Variants in CACNA1D observed in about 807,000 individuals in gnomAD.
CACNA1D encodes calcium voltage-gated channel subunit alpha1 D.
A neutral mutation model predicts 257.1 loss-of-function variants in CACNA1D; 55 were observed. That is an observed-to-expected ratio of 0.21 (90% CI 0.17 to 0.27). The LOEUF is 0.27. Ranked by LOEUF, CACNA1D falls within the 10% of genes least tolerant of loss-of-function variation. The pLI is 1.00. For synonymous variants in CACNA1D, 980 were observed against 1,014.9 expected (o/e 0.97, Z 0.65); for missense variants, 1,876 against 2,784.0 (o/e 0.67, Z 7.34).
intron 3 of CACNA1D, among the ~76,000 whole-genome samples, chr3:53,575,198 G>A (rs1575935876): frequency 1.3e-5 from 2 of 152,152 alleles, no homozygotes; most frequent in African/African-American, 2.4e-5. Flanking sequence ...TGTTGCGAGC[G>A]TGATACCCGA....
chr3:53,573,691 A>G (rs143856724), intron 3 of CACNA1D, among the ~76,000 whole-genome samples: 8 of 152,092 alleles, frequency 5.3e-5, no homozygotes, highest in Non-Finnish European at 7.4e-5. Flanking sequence ...CTGTTCTTTC[A>G]CTGTTGTATG....
intron 3 of CACNA1D, among the ~76,000 whole-genome samples, chr3:53,600,655 A>G (rs1021289853): frequency 6.6e-5 from 10 of 152,150 alleles, no homozygotes; most frequent in African/African-American, 2.4e-4. Context: ...ATAACTTTCT[A>G]TGCTGTGGTA....
chr3:53,732,343 C>A (rs531517294), intron 18 of CACNA1D, among the ~76,000 whole-genome samples: 5 of 152,160 alleles, frequency 3.3e-5, no homozygotes, highest in Admixed American at 1.3e-4. Flanking sequence ...TCCAGGAGGC[C>A]CCCCGGTGTT....
chr3:53,588,567 G>T (rs1252185766), intron 3 of CACNA1D, among the ~76,000 whole-genome samples: 2 of 152,126 alleles, frequency 1.3e-5, no homozygotes, highest in Non-Finnish European at 2.9e-5. Context: ...ACAGATCTGT[G>T]CCCCTTGTGT....
At chr3:53,783,616 C>T (rs759156654) in intron 39 of CACNA1D, among the ~76,000 whole-genome samples, 16 of 152,196 alleles carry the variant, frequency 1.1e-4, no homozygotes, top group Admixed American at 3.3e-4. Context: ...AGGGCTTATC[C>T]GGGCTGAATC....
rs1362532134 is a variant in CACNA1D at position 53,632,648 on chromosome 3, A to G, written c.484-18131A>G. On this transcript the variant is annotated intron_variant, in intron 3 of 47. Transcript: ENST00000350061. ...TAGCTTGTGATTTAAAGTGAGACAT[A>G]TGAGTCTTCCTTTCACTTGAATACT... Among the ~76,000 whole-genome samples the G allele has an allele frequency of 4.6e-5, 7 of 152,362 alleles. No individual in the cohort carries two copies. In the South Asian group the frequency reaches 1.2e-3, roughly 27 times the overall value.
In CACNA1D at chr3:53,650,978, G is replaced by C. The variant is rs754654629; in HGVS notation, c.623+60G>C. ...GGAAAATGGGAGGTGGAGGTTGGGG[G>C]GGGTGGTGGTAACAAAACAGTCTTT... On this transcript the variant is annotated intron_variant, in intron 4 of 47. Transcript: ENST00000350061. The C allele has an allele frequency of 8.3e-6, 12 of 1,442,334 alleles. No homozygotes were observed. In the African/African-American group the frequency reaches 9.8e-5, roughly 12 times the overall value. 89.3% of individuals were successfully genotyped at this position (1,442,334 alleles called of 1,614,324 possible). A position where few individuals can be genotyped will look rare whatever the true frequency, so the allele number is the denominator to read the frequency against.
intron 3 of CACNA1D, among the ~76,000 whole-genome samples, chr3:53,589,392 C>T (rs2093269387): frequency 6.6e-6 from 1 of 152,082 alleles, no homozygotes; most frequent in Non-Finnish European, 1.5e-5. Context: ...GAGTGTGTGG[C>T]TGTCCCTGCA....
intron 30 of CACNA1D, 129 bp downstream of exon 30, chr3:53,762,210 A>G: frequency 1.4e-6 from 1 of 734,876 alleles, no homozygotes; most frequent in Admixed American, 2.0e-5. Flanking sequence ...TGAAACTAGG[A>G]TTTCCTAATG....
At chr3:53,767,214 A>G (rs1023164961) in intron 30 of CACNA1D, among the ~76,000 whole-genome samples, 7 of 152,172 alleles carry the variant, frequency 4.6e-5, no homozygotes, top group African/African-American at 1.7e-4. Flanking sequence ...ACCCTGGCCC[A>G]GGACTGGAGT....
At chr3:53,666,198 T>C (rs950361232) in intron 6 of CACNA1D, 141 bp from the exon 7 acceptor site, 1 of 817,098 alleles carries the variant, frequency 1.2e-6, no homozygotes, top group Non-Finnish European at 2.2e-6. Flanking sequence ...AAGGGAACCT[T>C]GAAGGACAAG....
At chr3:53,560,886 T>A (rs1275964609) in intron 3 of CACNA1D, among the ~76,000 whole-genome samples, 1 of 152,176 alleles carries the variant, frequency 6.6e-6, no homozygotes, top group Non-Finnish European at 1.5e-5. Flanking sequence ...TGATTGAAAT[T>A]TTCTGTCTGT....
At chr3:53,656,682 C>A (rs1229820206) in intron 4 of CACNA1D, among the ~76,000 whole-genome samples, 2 of 152,066 alleles carry the variant, frequency 1.3e-5, no homozygotes. Flanking sequence ...CACTTGTATT[C>A]AGAATATATA....
In CACNA1D at chr3:53,800,126, TG is replaced by T; in HGVS notation, c.4924-121del. The T allele has an allele frequency of 1.3e-6, 1 of 787,432 alleles. No individual in the cohort carries two copies. Among genetic ancestry groups the T allele is most frequent in the Non-Finnish European group, 2.3e-6 (1 of 431,442 alleles). 48.8% of individuals were successfully genotyped at this position (787,432 alleles called of 1,614,324 possible). A position where few individuals can be genotyped will look rare whatever the true frequency, so the allele number is the denominator to read the frequency against. On this transcript the variant is annotated intron_variant, in intron 40 of 47. Transcript: ENST00000350061. This position sits in a 1 kb window ranked among gnomAD's most constrained non-coding sequence, Gnocchi z 4.3. Reference sequence around the variant, plus strand: ...CCTTCAGTGACATCAGTCAGTGCCCTGGATTGGCTTTTGGGGAAGCCTTCCT... The same window carrying T: ...CCTTCAGTGACATCAGTCAGTGCCCTGATTGGCTTTTGGGGAAGCCTTCCT...
chr3:53,718,529 C>A, intron 10 of CACNA1D, 141 bp downstream of exon 10: 1 of 1,028,864 alleles, frequency 9.7e-7, no homozygotes, highest in Non-Finnish European at 1.5e-6. Flanking sequence ...GTACCCCACG[C>A]CACGCTTCCT....
chr3:53,504,465 G>T (rs1208225742), intron 3 of CACNA1D, among the ~76,000 whole-genome samples: 1 of 152,118 alleles, frequency 6.6e-6, no homozygotes, highest in Admixed American at 6.6e-5. Context: ...GACTACCTTG[G>T]GGGGCAGAAG....
intron 7 of CACNA1D, among the ~76,000 whole-genome samples, chr3:53,667,857 G>A (rs1271079841): frequency 6.6e-6 from 1 of 152,008 alleles, no homozygotes; most frequent in East Asian, 1.9e-4. Flanking sequence ...GTGTGTGTGT[G>A]TATGCACATC....
chr3:53,508,619 T>C (rs1453750189), intron 3 of CACNA1D, among the ~76,000 whole-genome samples: 1 of 152,218 alleles, frequency 6.6e-6, no homozygotes, highest in Non-Finnish European at 1.5e-5. Context: ...TAACAATGAT[T>C]GCATCAGAAA....
chr3:53,811,395 A>G lies in CACNA1D; in HGVS notation c.6475A>G (p.Thr2159Ala), dbSNP rs2095600437. 1 of 1,566,924 alleles carries G rather than the reference A, an allele frequency of 6.4e-7. No homozygotes were observed. The highest frequency in any genetic ancestry group is 1.8e-5 in the Admixed American group (1 of 56,180). ...EDLADEMICI[T>A]TL is the part of the protein sequence containing the mutation. ...CCTGGCGGATGAAATGATATGCATC[A>G]CCACCTTGTAGCCCCCAGCGAGGGG... The change falls in exon 48 of 48, where the codon ACC (threonine) becomes GCC (alanine). Residue 2159 changes from threonine to alanine, a missense_variant. By Grantham distance (58) the Thr-to-Ala change is moderately conservative. This residue lies in a region of CACNA1D where 491 missense variants were observed against 554.3 expected (regional missense o/e 0.89). Coordinates refer to ENST00000350061, the MANE Select transcript of CACNA1D (RefSeq NM_001128840.3). This position sits in a 1 kb window ranked among gnomAD's most constrained non-coding sequence, Gnocchi z 4.2.
Sources: allele counts gnomAD v4.1 joint callset (sites outside exome capture counted in the v4.1 genomes callset), GRCh38; gene constraint gnomAD v4.1.1; regional missense constraint gnomAD v4.1.1; non-coding constraint Gnocchi (gnomAD v3.1); transcripts MANE v1.5; gene names NCBI Gene and HGNC (gene_info 2026-07-23, HGNC 2026-07-21).